COL4A6: variants seen among roughly 807,000 people sequenced by gnomAD.
The protein encoded by COL4A6 is collagen type IV alpha 6 chain.
In COL4A6, 59 loss-of-function variants were observed where a neutral mutation model predicts 126.7. The ratio of observed to expected loss-of-function variants is 0.47; its 90% CI spans 0.38 to 0.58. The LOEUF (loss-of-function observed/expected upper bound fraction) is 0.58. Among genes scored for constraint, COL4A6 ranks in the 20% least tolerant of loss-of-function variants. The pLI, the probability that COL4A6 is intolerant of heterozygous loss-of-function variation, is 0.00. For missense variants in COL4A6, 1,285 were observed against 1,337.3 expected (o/e 0.96, Z 0.61); for synonymous variants, 547 against 496.6 (o/e 1.10, Z -1.35).
intron 2 of COL4A6, among the ~76,000 whole-genome samples, chrX:108,326,364 A>G (rs75207470): frequency 0.068 from 7,589 of 112,311 alleles, 551 homozygotes; most frequent in African/African-American, 0.21. Flanking sequence ...GGCAAAGTTA[A>G]TTGCTGAGAA....
At chrX:108,309,801 AACACACACACAC>A (rs4036315) in intron 3 of COL4A6, among the ~76,000 whole-genome samples, 854 of 80,887 alleles carry the variant, frequency 0.011, 13 homozygotes, top group East Asian at 0.071. Context: ...TAATCCTGGA[AACACACACACAC>A]ACACACACAC....
chrX:108,348,802 G>A (rs1323368301), intron 2 of COL4A6, among the ~76,000 whole-genome samples: 2 of 111,890 alleles, frequency 1.8e-5, no homozygotes, highest in African/African-American at 6.5e-5. Context: ...AAGAGTTGGC[G>A]AGGATACCAA....
chrX:108,291,451 C>T (rs984770772), intron 3 of COL4A6, among the ~76,000 whole-genome samples: 1 of 112,192 alleles, frequency 8.9e-6, no homozygotes, highest in Non-Finnish European at 1.9e-5. Flanking sequence ...TTCCAAGAAA[C>T]ATTACTTTAT....
intron 3 of COL4A6, among the ~76,000 whole-genome samples, chrX:108,308,218 C>T (rs2038674183): frequency 8.9e-6 from 1 of 111,824 alleles, no homozygotes; most frequent in South Asian, 3.8e-4. Context: ...TGAAATAAAT[C>T]TACTGCCCTC....
chrX:108,216,916 T>C (rs1239428784), intron 5 of COL4A6, among the ~76,000 whole-genome samples: 1 of 112,480 alleles, frequency 8.9e-6, no homozygotes, highest in Non-Finnish European at 1.9e-5. Context: ...TAAACATAAA[T>C]TGCAAAGTGA....
chrX:108,171,748 A>G (rs1480998140), intron 32 of COL4A6, among the ~76,000 whole-genome samples: 1 of 112,025 alleles, frequency 8.9e-6, no homozygotes, highest in Non-Finnish European at 1.9e-5. Context: ...CTCAAACATC[A>G]CCAGAATGGA....
At chrX:108,181,417 C>G (rs1221192179) in intron 23 of COL4A6, among the ~76,000 whole-genome samples, 3 of 112,087 alleles carry the variant, frequency 2.7e-5, no homozygotes, top group Non-Finnish European at 5.6e-5. Flanking sequence ...GCCAAGATCC[C>G]TCAAGTTCTC....
At chrX:108,231,077 CTACATACATACA>C (rs112392457) in intron 3 of COL4A6, among the ~76,000 whole-genome samples, 27 of 105,859 alleles carry the variant, frequency 2.6e-4, no homozygotes, top group East Asian at 9.2e-4. Flanking sequence ...CCCTTTCCAT[CTACATACATACA>C]TACATACATA....
chrX:108,247,099 G>A (rs1375179397), intron 3 of COL4A6, among the ~76,000 whole-genome samples: 1 of 110,112 alleles, frequency 9.1e-6, no homozygotes, highest in Non-Finnish European at 1.9e-5. Context: ...TTCCCTTGTG[G>A]ACTTTCCCAC....
At chrX:108,383,785 G>A in intron 2 of COL4A6, 1 of 512,590 alleles carries the variant, frequency 2.0e-6, no homozygotes, top group Non-Finnish European at 3.6e-6. Flanking sequence ...TGCTTTGTAT[G>A]GAAGTAATGG....
At chrX:108,401,508 T>A (rs2041087198) in intron 2 of COL4A6, among the ~76,000 whole-genome samples, 1 of 110,758 alleles carries the variant, frequency 9.0e-6, no homozygotes, top group Admixed American at 9.7e-5. Context: ...ATGGTCACAT[T>A]CCTTTACAAT....
At chrX:108,325,946 A>G (rs1265217640) in intron 2 of COL4A6, among the ~76,000 whole-genome samples, 1 of 112,293 alleles carries the variant, frequency 8.9e-6, no homozygotes, top group Non-Finnish European at 1.9e-5. Flanking sequence ...GCATCTATGG[A>G]AAATACTACA....
intron 3 of COL4A6, among the ~76,000 whole-genome samples, chrX:108,253,251 T>C (rs925577762): frequency 8.1e-5 from 9 of 111,696 alleles, no homozygotes; most frequent in African/African-American, 2.9e-4. Flanking sequence ...AAAAAAACCA[T>C]AGAGACTCCA....
At chrX:108,387,728 C>G (rs757749773) in intron 2 of COL4A6, among the ~76,000 whole-genome samples, 16 of 111,512 alleles carry the variant, frequency 1.4e-4, no homozygotes, top group African/African-American at 4.9e-4. Context: ...GCCTGATTAC[C>G]CTGGCCAGAA....
intron 2 of COL4A6, among the ~76,000 whole-genome samples, chrX:108,351,903 A>G (rs1169577465): frequency 8.9e-6 from 1 of 112,148 alleles, no homozygotes; most frequent in Non-Finnish European, 1.9e-5. Flanking sequence ...ATATCTATAT[A>G]TTCACTGCAT....
At chrX:108,362,055 TTGTGTGTGTG>T (rs10548613) in intron 2 of COL4A6, among the ~76,000 whole-genome samples, 2 of 103,133 alleles carry the variant, frequency 1.9e-5, no homozygotes, top group Non-Finnish European at 4.0e-5. Context: ...TCAAACTAGT[TTGTGTGTGTG>T]TGTGTGTGTG....
At chrX:108,219,576 T>A (rs2035955451) in intron 5 of COL4A6, 122 bp downstream of exon 5, 3 of 645,801 alleles carry the variant, frequency 4.6e-6, no homozygotes, top group Non-Finnish European at 7.5e-6. Flanking sequence ...TCACCATACA[T>A]ATCTCAACAC....
chrX:108,258,093 C>G (rs2037053937), intron 3 of COL4A6, among the ~76,000 whole-genome samples: 2 of 111,382 alleles, frequency 1.8e-5, no homozygotes, highest in Non-Finnish European at 3.8e-5. Flanking sequence ...CTCCCCCAAG[C>G]TAAAAACACC....
At chrX:108,365,689 A>G (rs1046920216) in intron 2 of COL4A6, among the ~76,000 whole-genome samples, 8 of 112,231 alleles carry the variant, frequency 7.1e-5, no homozygotes, top group African/African-American at 2.6e-4. Flanking sequence ...TCTATGTGCC[A>G]AGAAATCATT....
Sources: gnomAD v4.1 joint callset for allele counts (sites outside exome capture counted in the v4.1 genomes callset) on GRCh38, gnomAD v4.1.1 for gene constraint, MANE v1.5 for transcripts, NCBI Gene and HGNC (gene_info 2026-07-23, HGNC 2026-07-21) for gene names.